LMTK2: variants seen among roughly 807,000 people sequenced by gnomAD.
The protein encoded by LMTK2 is serine/threonine-protein kinase LMTK2.
In LMTK2, 37 loss-of-function variants were observed where a neutral mutation model predicts 127.5. That is an observed-to-expected ratio of 0.29 (90% CI 0.22 to 0.38). The LOEUF (loss-of-function observed/expected upper bound fraction) is 0.38, where lower values mean the gene tolerates loss of function less well. LMTK2 is among the 10% of genes least tolerant of loss of function. The pLI, the probability that LMTK2 is intolerant of heterozygous loss-of-function variation, is 1.00. For synonymous variants in LMTK2, 819 were observed against 810.1 expected, an observed-to-expected ratio of 1.01 and a Z score of -0.19; for missense variants, 1,694 against 1,920.3, an observed-to-expected ratio of 0.88 and a Z score of 2.20.
At chr7:98,205,412 T>C (rs1797775087) in intron 13 of LMTK2, 52 bp from the exon 14 acceptor site, 2 of 1,611,526 alleles carry the variant, frequency 1.2e-6, no homozygotes, top group Non-Finnish European at 1.7e-6. Flanking sequence ...CATGCCTGTC[T>C]GATCATTTTA....
At chr7:98,170,864 A>G (rs75111276) in intron 6 of LMTK2, among the ~76,000 whole-genome samples, 8,416 of 152,166 alleles carry the variant, frequency 0.055, 650 homozygotes, top group East Asian at 0.36. Flanking sequence ...TGTCATGGCC[A>G]TGTGCTGGGC....
chr7:98,118,299 C>G (rs1394843431), intron 1 of LMTK2, among the ~76,000 whole-genome samples: 1 of 152,134 alleles, frequency 6.6e-6, no homozygotes, highest in Admixed American at 6.6e-5. Flanking sequence ...GATTTACCTC[C>G]TCCAAGAGCA....
chr7:98,187,175 T>C (rs762206373), intron 9 of LMTK2, among the ~76,000 whole-genome samples, 177 bp downstream of exon 9: 4 of 152,232 alleles, frequency 2.6e-5, no homozygotes, highest in Non-Finnish European at 4.4e-5. Context: ...ATTGTGGTGA[T>C]GGAGTTAACG....
At chr7:98,168,837 G>T (rs1286134508) in intron 6 of LMTK2, among the ~76,000 whole-genome samples, 1 of 152,074 alleles carries the variant, frequency 6.6e-6, no homozygotes, top group Admixed American at 6.5e-5. Flanking sequence ...AGTTTTTTGG[G>T]GGGTTTTGGG....
At chr7:98,142,272 C>T (rs1267612647) in intron 3 of LMTK2, among the ~76,000 whole-genome samples, 2 of 152,194 alleles carry the variant, frequency 1.3e-5, no homozygotes, top group African/African-American at 4.8e-5. Context: ...GCTGTGGGCT[C>T]TGCCTAGGGC....
At chr7:98,132,735 A>C (rs1344319183) in intron 1 of LMTK2, among the ~76,000 whole-genome samples, 1 of 152,156 alleles carries the variant, frequency 6.6e-6, no homozygotes, top group Non-Finnish European at 1.5e-5. Flanking sequence ...GTAATCCCTA[A>C]TGGATCTAAA....
intron 3 of LMTK2, among the ~76,000 whole-genome samples, chr7:98,148,729 C>T (rs1168845139): frequency 2.6e-5 from 4 of 152,178 alleles, no homozygotes; most frequent in Admixed American, 2.6e-4. Flanking sequence ...AAAATATTGT[C>T]TAGGTCTTTG....
At chr7:98,170,150 T>G (rs1368723867) in intron 6 of LMTK2, among the ~76,000 whole-genome samples, 4 of 152,246 alleles carry the variant, frequency 2.6e-5, no homozygotes, top group Non-Finnish European at 4.4e-5. Context: ...TCTGTGGCCT[T>G]GGGCAAATTT....
At chr7:98,122,331 C>T (rs761118773) in intron 1 of LMTK2, among the ~76,000 whole-genome samples, 6 of 151,896 alleles carry the variant, frequency 4.0e-5, no homozygotes, top group Non-Finnish European at 8.8e-5. Flanking sequence ...CAGCATAGTA[C>T]CCCATAGGCA....
At chr7:98,204,848 G>A (rs1797765421) in intron 13 of LMTK2, among the ~76,000 whole-genome samples, 1 of 152,208 alleles carries the variant, frequency 6.6e-6, no homozygotes, top group Non-Finnish European at 1.5e-5. Context: ...CTTTCCCAGA[G>A]AGAACCTGCT....
At chr7:98,119,401 A>T (rs1379430974) in intron 1 of LMTK2, among the ~76,000 whole-genome samples, 1 of 152,220 alleles carries the variant, frequency 6.6e-6, no homozygotes, top group Non-Finnish European at 1.5e-5. Flanking sequence ...GAGCTCACTC[A>T]TCCTGAGCAC....
Position 98,193,746 on chromosome 7 carries a change from C to G in LMTK2, c.3281C>G (p.Ala1094Gly). ...GAAGTGACCCCTGAGACGTTCACAG[C>G]TGGCTCCCAGGGTTCATACCGAGAC... ...GTEVTPETFT[A>G]GSQGSYRDSA... The change falls in exon 11 of 14, where the codon GCT becomes GGT. Residue 1094 changes from alanine to glycine, a missense_variant. By Grantham distance (60) the Ala-to-Gly change is moderately conservative. Coordinates refer to ENST00000297293, the MANE Select transcript of LMTK2 (RefSeq NM_014916.4). This position sits in a 1 kb window ranked among gnomAD's most constrained non-coding sequence, Gnocchi z 4.1. The G allele has an allele frequency of 6.2e-7, 1 of 1,613,940 alleles. No homozygotes were observed. Among genetic ancestry groups the G allele is most frequent in the African/African-American group, 1.3e-5 (1 of 75,034 alleles).
intron 9 of LMTK2, among the ~76,000 whole-genome samples, chr7:98,190,142 C>T (rs1797499886): frequency 6.6e-6 from 1 of 152,150 alleles, no homozygotes. Flanking sequence ...CACATAATTA[C>T]ACCTATTATC....
Position 98,141,517 on chromosome 7 carries a change from C to A in LMTK2, c.352C>A (p.Pro118Thr), listed in dbSNP as rs1796699207. The A allele has an allele frequency of 6.2e-7, 1 of 1,614,084 alleles. No homozygotes were observed. The highest frequency in any genetic ancestry group is 8.5e-7 in the Non-Finnish European group (1 of 1,179,944). The change falls in exon 3 of 14, where the codon CCC becomes ACC. Residue 118 changes from proline (P) to threonine (T), a missense_variant. Physicochemically the swap from Pro to Thr is conservative, Grantham distance 38. Around this residue, in one of 8 missense-constraint regions of LMTK2, gnomAD observed 203 missense variants for 226.2 expected, o/e 0.90. Coordinates refer to ENST00000297293, the MANE Select transcript of LMTK2 (RefSeq NM_014916.4). ...LSVPNISLPA[P>T]SQFQPSVEGL... is the part of the protein sequence containing the mutation. ...AGTACCAAATATTTCACTCCCAGCT[C>A]CCTCGCAATTCCAGCCTTCTGTAGG...
chr7:98,178,977 C>T (rs1328777978), intron 7 of LMTK2, among the ~76,000 whole-genome samples: 3 of 152,154 alleles, frequency 2.0e-5, no homozygotes, highest in African/African-American at 7.2e-5. Context: ...CCAGGGCTCC[C>T]TCCCACTGCA....
Position 98,194,687 on chromosome 7 carries a change from AT to A in LMTK2, c.4107+117del. The A allele has an allele frequency of 1.0e-6, 1 of 955,812 alleles. No individual in the cohort carries two copies. Among genetic ancestry groups the A allele is most frequent in the Non-Finnish European group, 1.5e-6 (1 of 660,152 alleles). The allele number at this position is 955,812 out of a possible 1,614,324, so 59.2% of individuals were successfully genotyped here. ...TGCCATTTTGAGGCAGCAGATTGTG[AT>A]TACTCACAAAAAGTAATTTGGGGTT... On this transcript the variant is annotated intron_variant, in intron 11 of 13. Transcript: ENST00000297293. The surrounding 1 kb of genome is among the most constrained non-coding windows in gnomAD (Gnocchi z 5.4).
In LMTK2 at chr7:98,141,420, T is replaced by C. The variant is rs764636774; in HGVS notation, c.255T>C (p.Asp85=). ...AGGAATTTGAAGATAATTTTGATGA[T>C]GAGATAGATTTCACACCACCAGCAG... is the stretch of plus-strand genomic sequence containing the variant. The part of the protein sequence containing the change: ...DFKEFEDNFD[D]EIDFTPPAED... Residue 85 remains aspartate, a synonymous_variant, in exon 3 of 14, where the codon GAT becomes GAC. Transcript: ENST00000297293. The C allele has an allele frequency of 4.3e-6, 7 of 1,613,932 alleles. No homozygotes were observed. The South Asian group carries it at 6.6e-5, about 15-fold the overall frequency.
At chr7:98,199,580 G>T (rs1797678122) in intron 11 of LMTK2, among the ~76,000 whole-genome samples, 1 of 152,122 alleles carries the variant, frequency 6.6e-6, no homozygotes. Flanking sequence ...CTGCAGCCTT[G>T]AGCTCCTGGG....
At chr7:98,130,939 A>G (rs1796512221) in intron 1 of LMTK2, among the ~76,000 whole-genome samples, 1 of 152,242 alleles carries the variant, frequency 6.6e-6, no homozygotes, top group Admixed American at 6.5e-5. Flanking sequence ...AAATTATGAT[A>G]TCTGCTTTCT....
Sources: allele counts gnomAD v4.1 joint callset (sites outside exome capture counted in the v4.1 genomes callset), GRCh38; gene constraint gnomAD v4.1.1; regional missense constraint gnomAD v4.1.1; non-coding constraint Gnocchi (gnomAD v3.1); transcripts MANE v1.5; gene names NCBI Gene and HGNC (gene_info 2026-07-23, HGNC 2026-07-21).